PDE4D: variants seen among roughly 807,000 people sequenced by gnomAD.
PDE4D encodes phosphodiesterase 4D, also known as 3',5'-cyclic-AMP phosphodiesterase 4D.
A neutral mutation model predicts 87.4 loss-of-function variants in PDE4D; 24 were observed. The observed-to-expected ratio is 0.27, with a 90% CI of 0.20 to 0.39. PDE4D has a LOEUF of 0.39. Among genes scored for constraint, PDE4D ranks in the 10% least tolerant of loss-of-function variants. The pLI is 1.00. For synonymous variants in PDE4D, 384 were observed against 383.2 expected (o/e 1.00, Z -0.02); for missense variants, 714 against 1,041.0 (o/e 0.69, Z 4.32).
At chr5:60,055,479 A>C (rs1770672772) in intron 2 of PDE4D, among the ~76,000 whole-genome samples, 1 of 152,112 alleles carries the variant, frequency 6.6e-6, no homozygotes, top group Non-Finnish European at 1.5e-5. Context: ...TTAGCATTAG[A>C]TGGCTAAACT....
Position 58,970,139 on chromosome 5 carries a change from A to G in PDE4D, c.*4525T>C, listed in dbSNP as rs967787136. On this transcript the variant is annotated 3_prime_UTR_variant, in exon 15 of 15. Coordinates refer to ENST00000340635, the MANE Select transcript of PDE4D (RefSeq NM_001104631.2). ...ATTTCATATGAAGGTATTGATGTAC[A>G]GTACTATCCCCGTGGGCTGTAAGAG... The G allele has an allele frequency of 6.6e-6, 1 of 152,318 alleles. No individual in the cohort carries two copies. Among genetic ancestry groups the G allele is most frequent in the Admixed American group, 6.5e-5 (1 of 15,294 alleles). The allele number at this position is 152,318 out of a possible 1,614,324, so 9.4% of individuals were successfully genotyped here.
chr5:59,975,349 A>C (rs1761212750), intron 3 of PDE4D, among the ~76,000 whole-genome samples: 1 of 152,062 alleles, frequency 6.6e-6, no homozygotes, highest in African/African-American at 2.4e-5. Flanking sequence ...ACATACCTTA[A>C]ATTACCTCTA....
At chr5:59,141,935 T>A (rs1374382655) in intron 5 of PDE4D, among the ~76,000 whole-genome samples, 1 of 152,182 alleles carries the variant, frequency 6.6e-6, no homozygotes, top group Non-Finnish European at 1.5e-5. Flanking sequence ...CACTGACCCA[T>A]GGGATGTGGT....
intron 2 of PDE4D, among the ~76,000 whole-genome samples, chr5:60,074,967 C>G (rs1008583283): frequency 6.6e-6 from 1 of 152,150 alleles, no homozygotes; most frequent in Non-Finnish European, 1.5e-5. Context: ...GCTTGCCACT[C>G]TGTGCCTTTT....
At chr5:60,430,241 C>T (rs1744104439) in intron 1 of PDE4D, 1 of 514,060 alleles carries the variant, frequency 1.9e-6, no homozygotes, top group South Asian at 1.4e-5. Context: ...GCGAATGACC[C>T]TTCTTCTTCT....
chr5:59,453,969 G>A (rs2153642006), intron 1 of PDE4D, among the ~76,000 whole-genome samples: 1 of 152,304 alleles, frequency 6.6e-6, no homozygotes, highest in South Asian at 2.1e-4. Context: ...AGGGGCTAAT[G>A]CAGCTGAGGG....
intron 1 of PDE4D, among the ~76,000 whole-genome samples, chr5:59,347,201 A>T (rs1779748219): frequency 6.6e-6 from 1 of 152,162 alleles, no homozygotes; most frequent in African/African-American, 2.4e-5. Flanking sequence ...AATCAAGGAT[A>T]TTTTGCAGTT....
chr5:59,685,535 C>T (rs1197606198), intron 1 of PDE4D, among the ~76,000 whole-genome samples: 1 of 152,066 alleles, frequency 6.6e-6, no homozygotes, highest in African/African-American at 2.4e-5. Context: ...AAAAAATTTT[C>T]CCTGTTTGAA....
intron 1 of PDE4D, among the ~76,000 whole-genome samples, chr5:59,561,620 G>A (rs975898444): frequency 6.6e-6 from 1 of 152,088 alleles, no homozygotes. Flanking sequence ...TCAGTAATAT[G>A]GTCTCAGTGT....
chr5:59,064,221 C>T (rs1023001681), intron 5 of PDE4D, among the ~76,000 whole-genome samples: 10 of 152,050 alleles, frequency 6.6e-5, no homozygotes, highest in Admixed American at 2.0e-4. Flanking sequence ...TTTAAGATCC[C>T]AAAATATGCT....
chr5:60,001,267 G>A (rs757275520), intron 2 of PDE4D, among the ~76,000 whole-genome samples: 3 of 152,138 alleles, frequency 2.0e-5, no homozygotes, highest in Non-Finnish European at 2.9e-5. Context: ...TGTAAAGACC[G>A]AAAGACTGTT....
intron 2 of PDE4D, among the ~76,000 whole-genome samples, chr5:59,995,310 T>C (rs1763418920): frequency 7.5e-6 from 1 of 132,586 alleles, no homozygotes; most frequent in Admixed American, 7.6e-5. Context: ...TTTTCTTTTC[T>C]TTCTTTCTTT....
At chr5:59,353,108 A>G (rs1343116637) in intron 1 of PDE4D, among the ~76,000 whole-genome samples, 1 of 152,178 alleles carries the variant, frequency 6.6e-6, no homozygotes, top group Non-Finnish European at 1.5e-5. Flanking sequence ...TTTACATAGT[A>G]CCTACCCCAA....
At chr5:59,882,922 C>T (rs1749661792) in intron 1 of PDE4D, among the ~76,000 whole-genome samples, 2 of 152,098 alleles carry the variant, frequency 1.3e-5, no homozygotes, top group Non-Finnish European at 1.5e-5. Flanking sequence ...GGATTACAGG[C>T]ACGTGTCACC....
Position 58,972,517 on chromosome 5 carries a change from T to C in PDE4D, c.*2147A>G, listed in dbSNP as rs1742793209. 6.6e-6 allele frequency: 1 copy of C among 152,270 alleles called. No homozygotes were observed. The highest frequency in any genetic ancestry group is 1.5e-5 in the Non-Finnish European group (1 of 68,032). 9.4% of individuals were successfully genotyped at this position (152,270 alleles called of 1,614,324 possible). A position where few individuals can be genotyped will look rare whatever the true frequency, so the allele number is the denominator to read the frequency against. On this transcript the variant is annotated 3_prime_UTR_variant, in exon 15 of 15. Transcript: ENST00000340635. The stretch of plus-strand genomic sequence containing the variant: ...TGAGTCATTTGCCTGGCTGATGACT[T>C]ACTTTCCAGTCCCCAGGAGGCTCCT...
intron 1 of PDE4D, among the ~76,000 whole-genome samples, chr5:59,291,162 C>G (rs1439468210): frequency 6.6e-6 from 1 of 151,960 alleles, no homozygotes; most frequent in Non-Finnish European, 1.5e-5. Flanking sequence ...TAACAATAGC[C>G]AGGATTTGGA....
chr5:59,796,750 C>G (rs910269366), intron 1 of PDE4D, among the ~76,000 whole-genome samples: 1 of 152,174 alleles, frequency 6.6e-6, no homozygotes, highest in Non-Finnish European at 1.5e-5. Flanking sequence ...TTCTAGCTCT[C>G]TTATTCAGCA....
intron 1 of PDE4D, among the ~76,000 whole-genome samples, chr5:59,334,252 T>TTG (rs1201711567): frequency 5.9e-5 from 4 of 67,288 alleles, no homozygotes; most frequent in African/African-American, 1.7e-4. Context: ...GTGGAGTTTT[T>TTG]TTTTTTTTTT....
chr5:59,621,302 A>C (rs770910617), intron 1 of PDE4D, among the ~76,000 whole-genome samples: 13 of 152,104 alleles, frequency 8.5e-5, no homozygotes, highest in East Asian at 1.9e-4. Context: ...GCTTCACACA[A>C]AAAAAGCTAA....
Sources: allele counts gnomAD v4.1 joint callset (sites outside exome capture counted in the v4.1 genomes callset), GRCh38; gene constraint gnomAD v4.1.1; transcripts MANE v1.5; gene names NCBI Gene and HGNC (gene_info 2026-07-23, HGNC 2026-07-21).